The following SMARCD3 variants were observed in gnomAD, a reference collection of about 807,000 sequenced individuals.
The protein encoded by SMARCD3 is SWI/SNF related BAF chromatin remodeling complex subunit D3.
SMARCD3 carries 14 observed loss-of-function variants against 58.0 expected under a neutral mutation model. That is an observed-to-expected ratio of 0.24 (90% CI 0.16 to 0.38). The LOEUF (loss-of-function observed/expected upper bound fraction) is 0.38. Ranked by LOEUF, SMARCD3 falls within the 10% of genes least tolerant of loss-of-function variation. SMARCD3 has a pLI of 1.00. For missense variants in SMARCD3, 408 were observed against 636.9 expected (o/e 0.64, Z 3.87); for synonymous variants, 253 against 253.8 (o/e 1.00, Z 0.03).
chr7:151,266,787 T>A (rs1180558633), intron 2 of SMARCD3, among the ~76,000 whole-genome samples: 1 of 152,182 alleles, frequency 6.6e-6, no homozygotes, highest in East Asian at 1.9e-4. Flanking sequence ...TCATGGCTTA[T>A]TACAGCATGG....
intron 2 of SMARCD3, among the ~76,000 whole-genome samples, chr7:151,259,393 C>CTGTGTGTGTGTGTG (rs758652327): frequency 7.0e-4 from 95 of 136,058 alleles, no homozygotes; most frequent in African/African-American, 1.0e-3. Context: ...AAGGTAGGGG[C>CTGTGTGTGTGTGTG]TGTGTGTGTG....
rs1428708874 is a variant in SMARCD3 at position 151,242,757 on chromosome 7, C to T, written c.420G>A (p.Arg140=). The part of the protein sequence containing the change: ...RKLDQTIMRK[R]VDIQEALKRP... ...TCTTCAGAGCCTCCTGGATGTCCACCCGCTTCCGCATGATGGTTTGATCCA... is the reference window on the plus strand; with the variant it reads ...TCTTCAGAGCCTCCTGGATGTCCACTCGCTTCCGCATGATGGTTTGATCCA... The change falls in exon 4 of 13, where the codon CGG becomes CGA. Residue 140 remains arginine, a synonymous_variant. Transcript: ENST00000262188. The surrounding 1 kb of genome is among the most constrained non-coding windows in gnomAD (Gnocchi z 4.7). The T allele has an allele frequency of 6.2e-7, 1 of 1,614,150 alleles. No individual in the cohort carries two copies. Among genetic ancestry groups the T allele is most frequent in the Non-Finnish European group, 8.5e-7 (1 of 1,180,024 alleles).
In SMARCD3 at chr7:151,243,773, A is replaced by C; in HGVS notation, c.291-72T>G. 1.8e-6 allele frequency: 2 copies of C among 1,085,112 alleles called. No individual in the cohort carries two copies. Among genetic ancestry groups the C allele is most frequent in the African/African-American group, 3.1e-5 (2 of 64,836 alleles). The allele number at this position is 1,085,112 out of a possible 1,614,324, so 67.2% of individuals were successfully genotyped here. A position where few individuals can be genotyped will look rare whatever the true frequency, so the allele number is the denominator to read the frequency against. ...TGGGCGTAACGAGGCCACCTGCTAGATTATCCCGACATCTCCGCCCGCCTG... is the reference window on the plus strand; with the variant it reads ...TGGGCGTAACGAGGCCACCTGCTAGCTTATCCCGACATCTCCGCCCGCCTG... On this transcript the variant is annotated intron_variant, in intron 2 of 12. Coordinates refer to ENST00000262188, the MANE Select transcript of SMARCD3 (RefSeq NM_001003801.2). This position sits in a 1 kb window ranked among gnomAD's most constrained non-coding sequence, Gnocchi z 4.4.
intron 2 of SMARCD3, among the ~76,000 whole-genome samples, chr7:151,259,800 G>A (rs957730375): frequency 1.3e-5 from 2 of 151,766 alleles, no homozygotes; most frequent in Non-Finnish European, 2.9e-5. Flanking sequence ...AGTAGAGACG[G>A]GGTTTCACCA....
intron 8 of SMARCD3, 171 bp from the exon 9 acceptor site, chr7:151,240,693 A>T: frequency 1.9e-4 from 89 of 459,010 alleles, no homozygotes; most frequent in Middle Eastern, 9.0e-4. Flanking sequence ...AGCCACCGGT[A>T]TGGCTGACAA....
intron 1 of SMARCD3, among the ~76,000 whole-genome samples, chr7:151,247,630 C>T (rs1803331222): frequency 6.6e-6 from 1 of 152,140 alleles, no homozygotes; most frequent in African/African-American, 2.4e-5. Context: ...GCTTCCTCTA[C>T]ACAGGGCCTC....
upstream of SMARCD3, among the ~76,000 whole-genome samples, chr7:151,252,711 G>C (rs1245249373): frequency 8.4e-6 from 1 of 119,358 alleles, no homozygotes; most frequent in Non-Finnish European, 1.7e-5. Flanking sequence ...CTCTGGTGAC[G>C]GTCAGCAGAG....
chr7:151,259,333 CAGAG>C (rs1162964114), intron 2 of SMARCD3, among the ~76,000 whole-genome samples: 4 of 137,918 alleles, frequency 2.9e-5, no homozygotes, highest in Admixed American at 2.3e-4. Context: ...GCCTAGGTGA[CAGAG>C]AGAGACTCTG....
At chr7:151,251,440 G>C (rs1422250545), upstream of SMARCD3, among the ~76,000 whole-genome samples, 3 of 152,190 alleles carry the variant, frequency 2.0e-5, no homozygotes, top group Admixed American at 2.0e-4. Context: ...CACAAGGCAG[G>C]CCCAGACACA....
intron 2 of SMARCD3, among the ~76,000 whole-genome samples, chr7:151,263,729 C>A (rs909034852): frequency 1.3e-5 from 2 of 152,230 alleles, no homozygotes; most frequent in Non-Finnish European, 2.9e-5. Context: ...ACCAGGCCGG[C>A]ACCATCTTTC....
intron 2 of SMARCD3, among the ~76,000 whole-genome samples, chr7:151,274,308 G>A (rs561394207): frequency 2.6e-5 from 4 of 152,294 alleles, no homozygotes; most frequent in South Asian, 2.1e-4. Context: ...CTTCAGTTCC[G>A]ACCCCTTACC....
intron 2 of SMARCD3, among the ~76,000 whole-genome samples, chr7:151,263,450 C>T (rs1014910257): frequency 3.9e-5 from 6 of 152,112 alleles, no homozygotes; most frequent in African/African-American, 1.4e-4. Flanking sequence ...TGTCTTTGCC[C>T]TCCCCAGGTT....
At chr7:151,265,203 T>C (rs1369123236) in intron 2 of SMARCD3, among the ~76,000 whole-genome samples, 1 of 152,146 alleles carries the variant, frequency 6.6e-6, no homozygotes, top group Non-Finnish European at 1.5e-5. Context: ...AGGTAATCAA[T>C]TTAAAATGAG....
chr7:151,245,263 T>C lies in SMARCD3; in HGVS notation c.290+197A>G, dbSNP rs113745074. On this transcript the variant is annotated intron_variant, in intron 2 of 12. Transcript: ENST00000262188. This position sits in a 1 kb window ranked among gnomAD's most constrained non-coding sequence, Gnocchi z 6.2. ...GGCTGCCGACGCCGCAGCCTGTCTC[T>C]ACCGTGGGCACACAAAAGAATCAGG... 0.088 allele frequency among the ~76,000 whole-genome samples: 13,352 copies of C among 152,010 alleles called. 678 individuals are homozygous for C. The highest frequency in any genetic ancestry group is 0.11 in the Non-Finnish European group (7,720 of 67,976).
intron 2 of SMARCD3, among the ~76,000 whole-genome samples, chr7:151,274,815 G>C (rs1278730969): frequency 6.6e-6 from 1 of 152,226 alleles, no homozygotes; most frequent in Non-Finnish European, 1.5e-5. Flanking sequence ...CCCAAAACTT[G>C]GTTTCAGGTA....
chr7:151,254,688 CCTCT>C (rs1803643703), intron 2 of SMARCD3, among the ~76,000 whole-genome samples: 2 of 152,200 alleles, frequency 1.3e-5, no homozygotes, highest in African/African-American at 4.8e-5. Flanking sequence ...CTCCAATTCT[CCTCT>C]CTGTCTTTTG....
chr7:151,260,449 A>C (rs1261244355), intron 2 of SMARCD3, among the ~76,000 whole-genome samples: 1 of 152,188 alleles, frequency 6.6e-6, no homozygotes, highest in Non-Finnish European at 1.5e-5. Context: ...CAAATTTGAG[A>C]AGGTTCCCTT....
At chr7:151,275,215 C>T in exon 2 of SMARCD3, 1 of 1,432,328 alleles carries the variant, frequency 7.0e-7, no homozygotes, top group South Asian at 1.2e-5. Context: ...GGCCCGGAGC[C>T]CACCGCGCCT....
At chr7:151,253,192 A>G (rs1008647136), upstream of SMARCD3, among the ~76,000 whole-genome samples, 1 of 152,174 alleles carries the variant, frequency 6.6e-6, no homozygotes, top group East Asian at 1.9e-4. Flanking sequence ...TGTGCCGGGA[A>G]GCAGACCCGC....
Sources: allele counts gnomAD v4.1 joint callset (sites outside exome capture counted in the v4.1 genomes callset), GRCh38; gene constraint gnomAD v4.1.1; non-coding constraint Gnocchi (gnomAD v3.1); transcripts MANE v1.5; gene names NCBI Gene and HGNC (gene_info 2026-07-23, HGNC 2026-07-21).